Variants in DKK2 observed in about 807,000 individuals in gnomAD.
DKK2 encodes dickkopf Wnt signaling pathway inhibitor 2, also known as dickkopf-related protein 2.
In DKK2, 11 loss-of-function variants were observed where a neutral mutation model predicts 28.1. The observed-to-expected ratio is 0.39, with a 90% CI of 0.25 to 0.65. DKK2 has a LOEUF of 0.65. Among genes scored for constraint, DKK2 ranks in the 30% least tolerant of loss-of-function variants. DKK2 has a pLI of 0.47. For missense variants in DKK2, 326 were observed against 335.5 expected (o/e 0.97, Z 0.22); for synonymous variants, 135 against 126.5 (o/e 1.07, Z -0.45).
At chr4:106,999,401 C>T (rs1723324611) in intron 1 of DKK2, among the ~76,000 whole-genome samples, 1 of 152,210 alleles carries the variant, frequency 6.6e-6, no homozygotes, top group Non-Finnish European at 1.5e-5. Context: ...GGCTGGAGTG[C>T]AGTGGCACAA....
rs116299039 is a variant in DKK2 at position 106,989,033 on chromosome 4, C to T, written c.222+46337G>A. On this transcript the variant is annotated intron_variant, in intron 1 of 3. Coordinates refer to ENST00000285311, the MANE Select transcript of DKK2 (RefSeq NM_014421.3). ...GCCTAATGCCACCAAACCTCTGACTCGCCTCTTCCTGTAAGTGACCTGACA... is the reference window on the plus strand; with the variant it reads ...GCCTAATGCCACCAAACCTCTGACTTGCCTCTTCCTGTAAGTGACCTGACA... Among the ~76,000 whole-genome samples, 785 of 152,208 alleles carry T rather than the reference C, an allele frequency of 5.2e-3. 9 individuals carry two copies. Among genetic ancestry groups the T allele is most frequent in the African/African-American group, 0.018 (745 of 41,518 alleles).
At chr4:106,936,089 A>G (rs971364426) in intron 1 of DKK2, among the ~76,000 whole-genome samples, 3 of 152,170 alleles carry the variant, frequency 2.0e-5, no homozygotes, top group Non-Finnish European at 2.9e-5. Context: ...ACAGTTCCTC[A>G]CCAGCAATGG....
chr4:106,963,184 C>G (rs955427804), intron 1 of DKK2, among the ~76,000 whole-genome samples: 2 of 151,944 alleles, frequency 1.3e-5, no homozygotes, highest in African/African-American at 4.8e-5. Context: ...GAAAACCCGT[C>G]TCTACTAAAA....
At chr4:106,934,980 A>G (rs575507738) in intron 1 of DKK2, among the ~76,000 whole-genome samples, 1 of 152,278 alleles carries the variant, frequency 6.6e-6, no homozygotes, top group Admixed American at 6.5e-5. Flanking sequence ...CAGAGAGACA[A>G]TGACTTGAGA....
At chr4:106,936,733 A>T (rs1344458902) in intron 1 of DKK2, among the ~76,000 whole-genome samples, 2 of 152,214 alleles carry the variant, frequency 1.3e-5, no homozygotes, top group African/African-American at 4.8e-5. Flanking sequence ...CGGGTTACCC[A>T]CAAAGGGAAG....
chr4:106,979,100 A>C (rs1447907616), intron 1 of DKK2, among the ~76,000 whole-genome samples: 1 of 152,070 alleles, frequency 6.6e-6, no homozygotes, highest in Non-Finnish European at 1.5e-5. Flanking sequence ...AATTTATAAA[A>C]CTGTGAAGTT....
intron 1 of DKK2, among the ~76,000 whole-genome samples, chr4:106,928,664 C>T (rs957964362): frequency 1.3e-5 from 2 of 151,922 alleles, no homozygotes; most frequent in Non-Finnish European, 2.9e-5. Flanking sequence ...GTCCCTTAGC[C>T]CAGATTTTTT....
chr4:106,998,720 C>T (rs575758327), intron 1 of DKK2, among the ~76,000 whole-genome samples: 2 of 151,904 alleles, frequency 1.3e-5, no homozygotes, highest in African/African-American at 4.8e-5. Flanking sequence ...GAAAAATTGC[C>T]GTATGTTCTT....
At chr4:107,033,780 C>T (rs1723916294) in intron 1 of DKK2, among the ~76,000 whole-genome samples, 2 of 151,994 alleles carry the variant, frequency 1.3e-5, no homozygotes, top group Admixed American at 6.6e-5. Context: ...TTGAGAGCAC[C>T]CATTCTTTCT....
At position 107,017,132 on chromosome 4, in the gene DKK2, A is replaced by G. The variant is rs112380088; in HGVS notation, c.222+18238T>C. Among the ~76,000 whole-genome samples, 12 of 152,092 alleles carry G rather than the reference A, an allele frequency of 7.9e-5. 1 individual carries two copies. The highest frequency in any genetic ancestry group is 2.6e-4 in the African/African-American group (11 of 41,548). On this transcript the variant is annotated intron_variant, in intron 1 of 3. Coordinates refer to ENST00000285311, the MANE Select transcript of DKK2 (RefSeq NM_014421.3). ...CCTATGTTGTTTCTTAGGTTTCTCT[A>G]TTTCCCTAAGTATTTGACTTTATCC... is the stretch of plus-strand genomic sequence containing the variant.
At chr4:106,927,660 G>A (rs1179694410) in intron 1 of DKK2, among the ~76,000 whole-genome samples, 1 of 152,044 alleles carries the variant, frequency 6.6e-6, no homozygotes, top group Non-Finnish European at 1.5e-5. Context: ...CATTTTTCAA[G>A]AATCCAAGAC....
intron 1 of DKK2, among the ~76,000 whole-genome samples, chr4:106,972,484 G>A (rs1246464918): frequency 6.6e-6 from 1 of 151,690 alleles, no homozygotes; most frequent in East Asian, 1.9e-4. Flanking sequence ...AAAAGACAAG[G>A]AGGGTAAGAT....
intron 1 of DKK2, among the ~76,000 whole-genome samples, chr4:107,026,702 C>A (rs1723785740): frequency 6.7e-6 from 1 of 149,836 alleles, no homozygotes; most frequent in African/African-American, 2.4e-5. Flanking sequence ...AATGTACAGG[C>A]TTTTTTGATA....
At position 107,035,850 on chromosome 4, in the gene DKK2, G is replaced by C. The variant is rs901572900; in HGVS notation, c.-259C>G. 11 of 531,968 alleles carry C rather than the reference G, an allele frequency of 2.1e-5. No individual in the cohort carries two copies. Among genetic ancestry groups the C allele is most frequent in the Admixed American group, 1.3e-4 (4 of 30,502 alleles). 33.0% of individuals were successfully genotyped at this position (531,968 alleles called of 1,614,324 possible). A position where few individuals can be genotyped will look rare whatever the true frequency, so the allele number is the denominator to read the frequency against. ...GCAATAACTGGAAGCAATCAAATGC[G>C]AGGCGCTTTCTCGCCAAGGAGGCGT... On this transcript the variant is annotated 5_prime_UTR_variant, in exon 1 of 4. Transcript: ENST00000285311.
intron 1 of DKK2, among the ~76,000 whole-genome samples, chr4:107,027,278 C>T (rs1332793460): frequency 6.6e-6 from 1 of 152,092 alleles, no homozygotes; most frequent in Non-Finnish European, 1.5e-5. Context: ...GATAATTCTT[C>T]CCTCTGCCTC....
intron 1 of DKK2, among the ~76,000 whole-genome samples, chr4:107,001,473 G>A (rs1306435472): frequency 6.6e-6 from 1 of 152,112 alleles, no homozygotes; most frequent in Non-Finnish European, 1.5e-5. Flanking sequence ...ACTCTCATAT[G>A]ATGATATTCC....
chr4:107,021,822 T>A (rs1338789727), intron 1 of DKK2, among the ~76,000 whole-genome samples: 1 of 152,112 alleles, frequency 6.6e-6, no homozygotes, highest in Non-Finnish European at 1.5e-5. Flanking sequence ...TTCTTTACAA[T>A]GTCAGCATAA....
Position 106,922,744 on chromosome 4 carries a change from A to G in DKK2, c.*1210T>C, listed in dbSNP as rs897018693. On this transcript the variant is annotated 3_prime_UTR_variant, in exon 4 of 4. Coordinates refer to ENST00000285311, the MANE Select transcript of DKK2 (RefSeq NM_014421.3). ...GTACGGACACAGGACCTCACACTGAATTCATCTGCATAGTAAATATTATGA... is the reference window on the plus strand; with the variant it reads ...GTACGGACACAGGACCTCACACTGAGTTCATCTGCATAGTAAATATTATGA... 2 of 152,196 alleles carry G rather than the reference A, an allele frequency of 1.3e-5. No individual in the cohort carries two copies. The highest frequency in any genetic ancestry group is 2.4e-5 in the African/African-American group (1 of 41,466). The allele number at this position is 152,196 out of a possible 1,614,324, so 9.4% of individuals were successfully genotyped here. A position where few individuals can be genotyped will look rare whatever the true frequency, so the allele number is the denominator to read the frequency against.
chr4:106,924,500 T>C lies in DKK2; in HGVS notation c.529+45A>G, dbSNP rs1187730554. 2.5e-6 allele frequency: 4 copies of C among 1,576,858 alleles called. No homozygotes were observed. In the African/African-American group the frequency reaches 4.1e-5, roughly 16 times the overall value. On this transcript the variant is annotated intron_variant, in intron 3 of 3. Coordinates refer to ENST00000285311, the MANE Select transcript of DKK2 (RefSeq NM_014421.3). ...GAATTAATTATCTATATTTTTCTTCTATTTCTTTATTTTAAAAAAACCCCA... is the reference window on the plus strand; with the variant it reads ...GAATTAATTATCTATATTTTTCTTCCATTTCTTTATTTTAAAAAAACCCCA...
Sources: allele counts gnomAD v4.1 joint callset (sites outside exome capture counted in the v4.1 genomes callset), GRCh38; gene constraint gnomAD v4.1.1; transcripts MANE v1.5; gene names NCBI Gene and HGNC (gene_info 2026-07-23, HGNC 2026-07-21).